The following CAMK1D variants were observed in gnomAD, a reference collection of about 807,000 sequenced individuals.
CAMK1D encodes calcium/calmodulin-dependent protein kinase type 1D.
Under a neutral mutation model 47.7 loss-of-function variants are expected in CAMK1D, and 9 were observed. That is an observed-to-expected ratio of 0.19 (90% confidence interval 0.11 to 0.33). CAMK1D has a LOEUF of 0.33. CAMK1D is among the 10% of genes least tolerant of loss of function. The pLI is 1.00. For missense variants in CAMK1D, 291 were observed against 488.7 expected (o/e 0.60, Z 3.81); for synonymous variants, 184 against 184.9 (o/e 0.99, Z 0.04).
intron 9 of CAMK1D, among the ~76,000 whole-genome samples, chr10:12,824,883 A>G (rs908687128): frequency 2.0e-5 from 3 of 152,164 alleles, no homozygotes; most frequent in Non-Finnish European, 4.4e-5. Context: ...AAAACAGGAA[A>G]TCTGAGTTGT....
intron 8 of CAMK1D, among the ~76,000 whole-genome samples, chr10:12,817,878 AG>A (rs1832859924): frequency 6.6e-6 from 1 of 152,074 alleles, no homozygotes; most frequent in Non-Finnish European, 1.5e-5. Context: ...TAGTAGAGAC[AG>A]GGTTTCGCCA....
chr10:12,437,261 G>A (rs1832663475), intron 1 of CAMK1D, among the ~76,000 whole-genome samples: 1 of 151,992 alleles, frequency 6.6e-6, no homozygotes, highest in African/African-American at 2.4e-5. Flanking sequence ...GCACGATCTC[G>A]GCTTACTGCA....
At chr10:12,580,163 T>C (rs769201129) in intron 2 of CAMK1D, among the ~76,000 whole-genome samples, 1 of 152,120 alleles carries the variant, frequency 6.6e-6, no homozygotes, top group Non-Finnish European at 1.5e-5. Flanking sequence ...AAAGGGTTAG[T>C]CATTCAGACC....
chr10:12,432,580 CAAATGAAT>C (rs1832516844), intron 1 of CAMK1D, among the ~76,000 whole-genome samples: 2 of 151,922 alleles, frequency 1.3e-5, no homozygotes, highest in South Asian at 4.2e-4. Context: ...GGCAAATGAA[CAAATGAAT>C]GAGTTGAATA....
intron 3 of CAMK1D, among the ~76,000 whole-genome samples, chr10:12,760,205 C>T (rs998536877): frequency 6.6e-6 from 1 of 152,154 alleles, no homozygotes; most frequent in Non-Finnish European, 1.5e-5. Context: ...GCTTCTTGAC[C>T]CTTGCCAACC....
chr10:12,462,783 C>T (rs1179683311), intron 1 of CAMK1D, among the ~76,000 whole-genome samples: 2 of 152,140 alleles, frequency 1.3e-5, no homozygotes, highest in Admixed American at 6.5e-5. Flanking sequence ...CCTTGACCTC[C>T]TGGGCTCAAG....
intron 4 of CAMK1D, among the ~76,000 whole-genome samples, chr10:12,765,436 G>C (rs1836706314): frequency 1.3e-5 from 2 of 152,154 alleles, no homozygotes; most frequent in Admixed American, 1.3e-4. Flanking sequence ...GACCTGGCAG[G>C]ATTCCTGCTA....
intron 1 of CAMK1D, among the ~76,000 whole-genome samples, chr10:12,392,996 A>G (rs536863456): frequency 6.3e-4 from 87 of 137,724 alleles, no homozygotes; most frequent in Middle Eastern, 3.6e-3. Flanking sequence ...CTGACTGCTC[A>G]TCGACTGTCA....
At chr10:12,697,622 C>A (rs191094464) in intron 3 of CAMK1D, among the ~76,000 whole-genome samples, 1 of 152,238 alleles carries the variant, frequency 6.6e-6, no homozygotes, top group African/African-American at 2.4e-5. Flanking sequence ...TGGTCTCAAA[C>A]TTCTGACCTC....
intron 2 of CAMK1D, among the ~76,000 whole-genome samples, chr10:12,656,547 CATTT>C (rs879299201): frequency 1.3e-5 from 2 of 152,174 alleles, no homozygotes; most frequent in African/African-American, 4.8e-5. Context: ...TTTTTATTGT[CATTT>C]GTTTGTTTGT....
intron 2 of CAMK1D, among the ~76,000 whole-genome samples, chr10:12,645,140 T>G (rs1839778072): frequency 6.6e-6 from 1 of 152,220 alleles, no homozygotes; most frequent in South Asian, 2.1e-4. Context: ...GTTGAATGTT[T>G]CCATGAAGTA....
At chr10:12,739,203 C>G (rs1038307780) in intron 3 of CAMK1D, among the ~76,000 whole-genome samples, 4 of 152,142 alleles carry the variant, frequency 2.6e-5, no homozygotes, top group African/African-American at 9.7e-5. Context: ...CGCCCCTGCA[C>G]TCCATCCTGG....
At chr10:12,524,445 C>A (rs1203636249) in intron 1 of CAMK1D, among the ~76,000 whole-genome samples, 1 of 152,098 alleles carries the variant, frequency 6.6e-6, no homozygotes, top group African/African-American at 2.4e-5. Context: ...CGGTGGCGCA[C>A]GCCTGTAATC....
intron 1 of CAMK1D, among the ~76,000 whole-genome samples, chr10:12,450,755 T>C (rs1487215739): frequency 6.6e-6 from 1 of 152,216 alleles, no homozygotes; most frequent in Non-Finnish European, 1.5e-5. Flanking sequence ...CATTTAGTTT[T>C]GTTTTGTTAT....
At chr10:12,696,437 T>C (rs905147330) in intron 3 of CAMK1D, among the ~76,000 whole-genome samples, 2 of 152,178 alleles carry the variant, frequency 1.3e-5, no homozygotes, top group South Asian at 2.1e-4. Flanking sequence ...CTCAGGAGCC[T>C]GAGGTGGAAG....
chr10:12,431,446 G>A (rs747552366), intron 1 of CAMK1D, among the ~76,000 whole-genome samples: 120 of 152,282 alleles, frequency 7.9e-4, no homozygotes, highest in Non-Finnish European at 1.3e-3. Flanking sequence ...TGGGTGGGTC[G>A]GGGAGAGAGG....
At chr10:12,734,501 C>T (rs1033138361) in intron 3 of CAMK1D, among the ~76,000 whole-genome samples, 96 of 139,858 alleles carry the variant, frequency 6.9e-4, no homozygotes, top group African/African-American at 2.1e-3. Context: ...TATATATATA[C>T]ACACACACAT....
chr10:12,821,602 C>T lies in CAMK1D; in HGVS notation c.834-2863C>T, dbSNP rs541878582. Reference sequence around the variant, plus strand: ...AGGCAGGGGAGACTAGGCTGTGGTCCGTGAGTGGTGGATAGTGAGACAGGC... The same window carrying T: ...AGGCAGGGGAGACTAGGCTGTGGTCTGTGAGTGGTGGATAGTGAGACAGGC... On this transcript the variant is annotated intron_variant, in intron 8 of 10. Coordinates refer to ENST00000619168, the MANE Select transcript of CAMK1D (RefSeq NM_153498.4). Among the ~76,000 whole-genome samples, 31 of 152,278 alleles carry T rather than the reference C, an allele frequency of 2.0e-4. No homozygotes were observed. In the South Asian group the frequency reaches 5.8e-3, roughly 29 times the overall value.
chr10:12,747,396 C>T (rs1835735289), intron 3 of CAMK1D, among the ~76,000 whole-genome samples: 1 of 152,124 alleles, frequency 6.6e-6, no homozygotes, highest in Non-Finnish European at 1.5e-5. Flanking sequence ...GCCTTGAACT[C>T]CTGGGTGTAA....
Sources: gnomAD v4.1 joint callset for allele counts (sites outside exome capture counted in the v4.1 genomes callset) on GRCh38, gnomAD v4.1.1 for gene constraint, MANE v1.5 for transcripts, NCBI Gene and HGNC (gene_info 2026-07-23, HGNC 2026-07-21) for gene names.